Variants in NRG3 observed in about 807,000 individuals in gnomAD.
The protein encoded by NRG3 is pro-neuregulin-3, membrane-bound isoform.
A neutral mutation model predicts 66.9 loss-of-function variants in NRG3; 31 were observed. The ratio of observed to expected loss-of-function variants is 0.46; its 90% CI spans 0.35 to 0.63. NRG3 has a LOEUF of 0.63. NRG3 is among the 20% of genes least tolerant of loss of function. The pLI is 0.00. For synonymous variants in NRG3, 393 were observed against 359.4 expected (o/e 1.09, Z -1.06); for missense variants, 910 against 878.9 (o/e 1.04, Z -0.45).
At chr10:82,627,322 A>T (rs921441521) in intron 2 of NRG3, among the ~76,000 whole-genome samples, 1 of 152,120 alleles carries the variant, frequency 6.6e-6, no homozygotes, top group Non-Finnish European at 1.5e-5. Flanking sequence ...CATGCCCAGT[A>T]GTAATTTTGC....
At chr10:82,525,476 A>T (rs1331433985) in intron 2 of NRG3, among the ~76,000 whole-genome samples, 1 of 151,180 alleles carries the variant, frequency 6.6e-6, no homozygotes, top group Non-Finnish European at 1.5e-5. Flanking sequence ...CCATATTGAC[A>T]TCAATTAGAA....
Position 82,023,789 on chromosome 10 carries a change from C to T in NRG3, c.823+147626C>T, listed in dbSNP as rs575459868. Among the ~76,000 whole-genome samples, 10 of 152,128 alleles carry T rather than the reference C, an allele frequency of 6.6e-5. No homozygotes were observed. The South Asian group carries it at 2.1e-3, about 32-fold the overall frequency. On this transcript the variant is annotated intron_variant, in intron 1 of 8. Transcript: ENST00000372141. Reference sequence around the variant, plus strand: ...TGAGGATTTTTGCATCCATGTCCATCAGGAGTATTGGCTTGTAGTTTCCTT... The same window carrying T: ...TGAGGATTTTTGCATCCATGTCCATTAGGAGTATTGGCTTGTAGTTTCCTT...
chr10:82,838,346 G>A (rs923138951), intron 3 of NRG3, among the ~76,000 whole-genome samples: 64 of 152,222 alleles, frequency 4.2e-4, no homozygotes, highest in African/African-American at 1.4e-3. Flanking sequence ...GGGAACCTCT[G>A]CAGAGACGAA....
At chr10:82,865,906 T>C (rs887130938) in intron 4 of NRG3, among the ~76,000 whole-genome samples, 1 of 152,208 alleles carries the variant, frequency 6.6e-6, no homozygotes, top group African/African-American at 2.4e-5. Context: ...TACATTTTGG[T>C]ATCAATTTTA....
chr10:82,377,841 A>G (rs1187239616), intron 2 of NRG3, among the ~76,000 whole-genome samples: 2 of 152,220 alleles, frequency 1.3e-5, no homozygotes, highest in African/African-American at 4.8e-5. Context: ...AATAACGTTT[A>G]CAAATCAGGT....
At position 82,144,105 on chromosome 10, in the gene NRG3, G is replaced by C. The variant is rs187405406; in HGVS notation, c.824-214634G>C. ...TACTTGGAAGCATTCTTGGTATTCA[G>C]TAAATATTCACTGCTTTCTCCCTTT... is the stretch of plus-strand genomic sequence containing the variant. On this transcript the variant is annotated intron_variant, in intron 1 of 8. Transcript: ENST00000372141. Among the ~76,000 whole-genome samples the C allele has an allele frequency of 2.2e-3, 328 of 151,220 alleles. 2 individuals are homozygous for C. Among genetic ancestry groups the C allele is most frequent in the African/African-American group, 7.5e-3 (310 of 41,258 alleles).
At chr10:82,144,092 T>A (rs1208565896) in intron 1 of NRG3, among the ~76,000 whole-genome samples, 2 of 151,292 alleles carry the variant, frequency 1.3e-5, no homozygotes, top group African/African-American at 4.9e-5. Context: ...CTTGGAAGCA[T>A]TCTTGGTATT....
intron 1 of NRG3, among the ~76,000 whole-genome samples, chr10:82,071,456 A>G (rs1012578379): frequency 6.6e-6 from 1 of 152,186 alleles, no homozygotes; most frequent in African/African-American, 2.4e-5. Context: ...ACCTGCTGAT[A>G]TCAGAGAGAA....
At chr10:81,896,576 C>T (rs1328548966) in intron 1 of NRG3, among the ~76,000 whole-genome samples, 1 of 151,534 alleles carries the variant, frequency 6.6e-6, no homozygotes, top group East Asian at 1.9e-4. Flanking sequence ...TTCAATCTCT[C>T]CTTATTTTCC....
At chr10:82,826,692 A>T (rs2135623386) in intron 3 of NRG3, among the ~76,000 whole-genome samples, 1 of 152,248 alleles carries the variant, frequency 6.6e-6, no homozygotes, top group African/African-American at 2.4e-5. Context: ...CTCACTTACA[A>T]GTGGGAGCTA....
intron 2 of NRG3, among the ~76,000 whole-genome samples, chr10:82,370,987 T>C (rs919948856): frequency 1.3e-5 from 2 of 151,340 alleles, no homozygotes; most frequent in African/African-American, 4.9e-5. Flanking sequence ...TTCACACACA[T>C]GCATATACAC....
intron 2 of NRG3, among the ~76,000 whole-genome samples, chr10:82,410,878 C>CA (rs1264999191): frequency 6.6e-6 from 1 of 152,058 alleles, no homozygotes; most frequent in Non-Finnish European, 1.5e-5. Flanking sequence ...CTCAGTAGTA[C>CA]ACAAAGTGAT....
At chr10:82,822,330 G>T (rs550079858) in intron 3 of NRG3, among the ~76,000 whole-genome samples, 1 of 152,166 alleles carries the variant, frequency 6.6e-6, no homozygotes, top group East Asian at 2.0e-4. Context: ...ATGCACATCT[G>T]AGACGGGGAG....
intron 1 of NRG3, among the ~76,000 whole-genome samples, chr10:82,324,274 C>G (rs1836905004): frequency 6.6e-6 from 1 of 152,094 alleles, no homozygotes; most frequent in Admixed American, 6.6e-5. Context: ...TGTCATTTCT[C>G]TCATTTCTGT....
chr10:82,511,147 A>C (rs775034809), intron 2 of NRG3, among the ~76,000 whole-genome samples: 2 of 152,220 alleles, frequency 1.3e-5, no homozygotes, highest in Non-Finnish European at 2.9e-5. Flanking sequence ...AACTGTGGAC[A>C]CAAGGGAAAG....
At chr10:82,382,669 T>C (rs2085698798) in intron 2 of NRG3, among the ~76,000 whole-genome samples, 1 of 152,034 alleles carries the variant, frequency 6.6e-6, no homozygotes, top group African/African-American at 2.4e-5. Flanking sequence ...CGATATTAAA[T>C]ATGTTAAAGC....
intron 1 of NRG3, among the ~76,000 whole-genome samples, chr10:82,249,370 G>T (rs2077384533): frequency 6.6e-6 from 1 of 152,080 alleles, no homozygotes; most frequent in Non-Finnish European, 1.5e-5. Flanking sequence ...AGACTCATTT[G>T]CACCGGCCAC....
chr10:82,440,656 C>G (rs2090389345), intron 2 of NRG3, among the ~76,000 whole-genome samples: 1 of 152,006 alleles, frequency 6.6e-6, no homozygotes. Context: ...CTTGAATCAG[C>G]TTTGAACTAT....
At chr10:82,880,718 T>C (rs980650908) in intron 4 of NRG3, among the ~76,000 whole-genome samples, 1 of 152,202 alleles carries the variant, frequency 6.6e-6, no homozygotes, top group Non-Finnish European at 1.5e-5. Context: ...ATTTAGTCAA[T>C]AAAAATGCAG....
Sources: allele counts gnomAD v4.1 joint callset (sites outside exome capture counted in the v4.1 genomes callset), GRCh38; gene constraint gnomAD v4.1.1; transcripts MANE v1.5; gene names NCBI Gene and HGNC (gene_info 2026-07-23, HGNC 2026-07-21).